Variants in DYM observed in about 807,000 individuals in gnomAD.
DYM encodes dyggve-Melchior-Clausen syndrome protein.
DYM carries 78 observed loss-of-function variants against 93.1 expected under a neutral mutation model. The ratio of observed to expected loss-of-function variants is 0.84; its 90% confidence interval spans 0.70 to 1.01. The LOEUF (loss-of-function observed/expected upper bound fraction) is 1.01. Among genes scored for constraint, DYM ranks in the 50% least tolerant of loss-of-function variants. The pLI, the probability that DYM is intolerant of heterozygous loss-of-function variation, is 0.00. For missense variants in DYM, 789 were observed against 845.0 expected, an observed-to-expected ratio of 0.93 and a Z score of 0.82; for synonymous variants, 321 against 319.7, an observed-to-expected ratio of 1.00 and a Z score of -0.04.
At chr18:49,164,753 G>A (rs778333707) in intron 14 of DYM, among the ~76,000 whole-genome samples, 8 of 152,180 alleles carry the variant, frequency 5.3e-5, no homozygotes, top group Non-Finnish European at 1.2e-4. Context: ...AACAGACTGA[G>A]GGATATTGGA....
intron 8 of DYM, among the ~76,000 whole-genome samples, chr18:49,309,582 C>T (rs1011337583): frequency 6.6e-6 from 1 of 152,148 alleles, no homozygotes; most frequent in Non-Finnish European, 1.5e-5. Context: ...CTGCAGTGAG[C>T]CATGATCGCA....
intron 6 of DYM, among the ~76,000 whole-genome samples, chr18:49,360,232 G>A (rs1305863484): frequency 7.0e-6 from 1 of 142,192 alleles, no homozygotes; most frequent in Non-Finnish European, 1.5e-5. Flanking sequence ...CACCCTGAAT[G>A]TCACCAAAAC....
At chr18:49,363,568 A>G (rs3809924) in intron 5 of DYM, among the ~76,000 whole-genome samples, 89,095 of 152,038 alleles carry the variant, frequency 0.59, 26,735 homozygotes, top group Non-Finnish European at 0.66. Flanking sequence ...AAATATATGA[A>G]ACAGATAAAA....
intron 1 of DYM, among the ~76,000 whole-genome samples, chr18:49,444,645 T>C (rs9960446): frequency 0.12 from 18,481 of 152,134 alleles, 1,445 homozygotes; most frequent in African/African-American, 0.22. Context: ...CATACCTCAA[T>C]GCAAGTAGAA....
intron 13 of DYM, among the ~76,000 whole-genome samples, chr18:49,242,856 C>A (rs1049004459): frequency 1.1e-4 from 16 of 152,114 alleles, no homozygotes; most frequent in Admixed American, 7.9e-4. Flanking sequence ...CCCGCCACCA[C>A]GCCCGGCTAA....
chr18:49,346,586 C>T (rs2064617175), intron 6 of DYM, among the ~76,000 whole-genome samples: 1 of 151,706 alleles, frequency 6.6e-6, no homozygotes, highest in South Asian at 2.1e-4. Flanking sequence ...ACTTTGTGAA[C>T]ATACTGCAAA....
At chr18:49,304,376 C>T in intron 8 of DYM, among the ~76,000 whole-genome samples, 1 of 152,284 alleles carries the variant, frequency 6.6e-6, no homozygotes, top group East Asian at 1.9e-4. Flanking sequence ...CCTAAAACAC[C>T]AACATTATCA....
At chr18:49,046,301 GCGCACA>G (rs377541935) in intron 17 of DYM, among the ~76,000 whole-genome samples, 11,103 of 142,066 alleles carry the variant, frequency 0.078, 442 homozygotes, top group Middle Eastern at 0.19. Flanking sequence ...AGACATGCGC[GCGCACA>G]CACACACACA....
At chr18:49,076,954 CTT>C (rs773216723) in intron 17 of DYM, among the ~76,000 whole-genome samples, 3 of 152,174 alleles carry the variant, frequency 2.0e-5, no homozygotes, top group African/African-American at 7.2e-5. Context: ...TAAATTAGCT[CTT>C]GTCTCAGGTG....
intron 17 of DYM, among the ~76,000 whole-genome samples, chr18:49,050,571 T>G (rs1460771531): frequency 6.6e-6 from 1 of 152,108 alleles, no homozygotes; most frequent in East Asian, 1.9e-4. Flanking sequence ...GCTAACTCCC[T>G]GAGCCACACG....
chr18:49,191,272 T>C (rs1177000310), intron 14 of DYM, among the ~76,000 whole-genome samples: 2 of 152,198 alleles, frequency 1.3e-5, no homozygotes, highest in African/African-American at 4.8e-5. Context: ...TAATCACCAT[T>C]GTAAATTATA....
chr18:49,119,525 G>A (rs996099050), intron 15 of DYM, among the ~76,000 whole-genome samples: 5 of 152,120 alleles, frequency 3.3e-5, no homozygotes, highest in African/African-American at 1.2e-4. Flanking sequence ...GCAAGCACAT[G>A]GGTATATACA....
chr18:49,272,432 A>G (rs2094729463), intron 10 of DYM, 129 bp from the exon 11 acceptor site: 1 of 682,136 alleles, frequency 1.5e-6, no homozygotes, highest in Non-Finnish European at 2.5e-6. Context: ...AGAAAAAACC[A>G]TATAAACCCA....
intron 1 of DYM, among the ~76,000 whole-genome samples, chr18:49,445,938 C>G (rs1267335801): frequency 6.6e-6 from 1 of 152,064 alleles, no homozygotes; most frequent in Non-Finnish European, 1.5e-5. Flanking sequence ...AAAAGCTAAA[C>G]ACTATATTAA....
chr18:49,236,714 A>G (rs1299922372), intron 13 of DYM, among the ~76,000 whole-genome samples: 1 of 152,226 alleles, frequency 6.6e-6, no homozygotes, highest in Non-Finnish European at 1.5e-5. Flanking sequence ...ACGTAAGTAA[A>G]TAGGAAAATG....
chr18:49,308,938 A>T (rs888381097), intron 8 of DYM, among the ~76,000 whole-genome samples: 4 of 152,238 alleles, frequency 2.6e-5, no homozygotes, highest in Non-Finnish European at 4.4e-5. Flanking sequence ...AAGGCTAAAT[A>T]AACTTGGGTA....
Position 49,131,147 on chromosome 18 carries a change from CAAG to C in DYM, c.1729-12224_1729-12222del, listed in dbSNP as rs1236533695. Among the ~76,000 whole-genome samples the C allele has an allele frequency of 3.9e-5, 6 of 152,198 alleles. No homozygotes were observed. The South Asian group carries it at 1.2e-3, about 32-fold the overall frequency. On this transcript the variant is annotated intron_variant, in intron 15 of 17. Coordinates refer to ENST00000675505, the MANE Select transcript of DYM (RefSeq NM_001353214.3). ...CAACAGACAAAATGCTAACCCGAAA[CAAG>C]AAGGAAGAAAAAAGGAGGAAAAACA...
At chr18:49,201,657 T>C (rs2030281734) in intron 14 of DYM, among the ~76,000 whole-genome samples, 1 of 152,256 alleles carries the variant, frequency 6.6e-6, no homozygotes, top group Non-Finnish European at 1.5e-5. Context: ...AAATCTGTTT[T>C]TGCCAAACAT....
chr18:49,321,723 TA>T (rs1385538233), intron 8 of DYM, among the ~76,000 whole-genome samples: 1 of 151,700 alleles, frequency 6.6e-6, no homozygotes, highest in Admixed American at 6.6e-5. Context: ...AACTATATTT[TA>T]TAAGTCACAA....
Sources: allele counts gnomAD v4.1 joint callset (sites outside exome capture counted in the v4.1 genomes callset), GRCh38; gene constraint gnomAD v4.1.1; transcripts MANE v1.5; gene names NCBI Gene and HGNC (gene_info 2026-07-23, HGNC 2026-07-21).